Variants in SGMS1 observed in about 807,000 individuals in gnomAD.
The protein encoded by SGMS1 is phosphatidylcholine:ceramide cholinephosphotransferase 1.
SGMS1 carries 13 observed loss-of-function variants against 46.2 expected under a neutral mutation model. That is an observed-to-expected ratio of 0.28 (90% CI 0.18 to 0.45). The LOEUF is 0.45. Among genes scored for constraint, SGMS1 ranks in the 20% least tolerant of loss-of-function variants. SGMS1 has a pLI of 1.00. For synonymous variants in SGMS1, 203 were observed against 187.8 expected, an observed-to-expected ratio of 1.08 and a Z score of -0.66; for missense variants, 324 against 519.9, an observed-to-expected ratio of 0.62 and a Z score of 3.66.
At chr10:50,529,624 C>T (rs1837934962) in intron 2 of SGMS1, among the ~76,000 whole-genome samples, 1 of 152,136 alleles carries the variant, frequency 6.6e-6, no homozygotes, top group Admixed American at 6.6e-5. Context: ...TCCCTATTCC[C>T]TTTGACTATT....
At chr10:50,499,401 G>A (rs1389312260) in intron 3 of SGMS1, among the ~76,000 whole-genome samples, 2 of 152,126 alleles carry the variant, frequency 1.3e-5, no homozygotes, top group African/African-American at 4.8e-5. Context: ...ATGATAAGGA[G>A]GAGGAAAGTC....
At chr10:50,612,895 G>A (rs1838763818) in intron 1 of SGMS1, among the ~76,000 whole-genome samples, 1 of 152,212 alleles carries the variant, frequency 6.6e-6, no homozygotes, top group Non-Finnish European at 1.5e-5. Context: ...TTTTAGTAGA[G>A]ATGGGGTTTC....
intron 6 of SGMS1, among the ~76,000 whole-genome samples, chr10:50,349,951 G>C (rs995078643): frequency 1.3e-5 from 2 of 152,238 alleles, no homozygotes; most frequent in Non-Finnish European, 2.9e-5. Context: ...ATGTGGAAGC[G>C]ACTTTGGAAC....
At chr10:50,438,913 G>C (rs766184182) in intron 5 of SGMS1, among the ~76,000 whole-genome samples, 4 of 152,178 alleles carry the variant, frequency 2.6e-5, no homozygotes, top group Admixed American at 2.0e-4. Context: ...TGGCGATCAG[G>C]TTCCCTGGCT....
At chr10:50,455,545 T>C (rs191473199) in intron 5 of SGMS1, among the ~76,000 whole-genome samples, 16 of 152,326 alleles carry the variant, frequency 1.1e-4, no homozygotes, top group Middle Eastern at 3.4e-3. Context: ...TAGTTCCTCA[T>C]TCTTTGCTGG....
intron 3 of SGMS1, among the ~76,000 whole-genome samples, chr10:50,499,388 A>C (rs1837642733): frequency 6.6e-6 from 1 of 152,188 alleles, no homozygotes; most frequent in Non-Finnish European, 1.5e-5. Context: ...AGAAAGACAG[A>C]TGATGATAAG....
intron 2 of SGMS1, among the ~76,000 whole-genome samples, chr10:50,559,810 T>C (rs1564431987): frequency 6.6e-6 from 1 of 152,152 alleles, no homozygotes; most frequent in South Asian, 2.1e-4. Flanking sequence ...TAGGAGTTTT[T>C]AAAAACAAAA....
intron 1 of SGMS1, among the ~76,000 whole-genome samples, chr10:50,611,529 C>T (rs1838749269): frequency 6.6e-6 from 1 of 152,184 alleles, no homozygotes; most frequent in Non-Finnish European, 1.5e-5. Flanking sequence ...TTACAAATGG[C>T]TCAGAAATTG....
chr10:50,321,143 G>C lies in SGMS1; in HGVS notation c.741+6062C>G, dbSNP rs562189292. Among the ~76,000 whole-genome samples, 5 of 152,296 alleles carry C rather than the reference G, an allele frequency of 3.3e-5. No individual in the cohort carries two copies. The South Asian group carries it at 1.0e-3, about 32-fold the overall frequency. Reference sequence around the variant, plus strand: ...CTGGGAAAGTGGTTTCTTCCTTTTAGTAAGAAAGCCTTTAGAAAGGCTAGA... The same window carrying C: ...CTGGGAAAGTGGTTTCTTCCTTTTACTAAGAAAGCCTTTAGAAAGGCTAGA... On this transcript the variant is annotated intron_variant, in intron 8 of 10. Coordinates refer to ENST00000361781, the MANE Select transcript of SGMS1 (RefSeq NM_147156.4).
intron 6 of SGMS1, among the ~76,000 whole-genome samples, chr10:50,405,482 G>A (rs1039848284): frequency 1.3e-5 from 2 of 152,146 alleles, no homozygotes; most frequent in Non-Finnish European, 2.9e-5. Flanking sequence ...ATTATGCATT[G>A]CATGGTGTAT....
At position 50,320,915 on chromosome 10, in the gene SGMS1, G is replaced by C. The variant is rs186609748; in HGVS notation, c.741+6290C>G. The stretch of plus-strand genomic sequence containing the variant: ...TGCAAATCTACTACAGGGAGTCAGA[G>C]GGGGATCTGGGGATTACATTTCTGT... On this transcript the variant is annotated intron_variant, in intron 8 of 10. Transcript: ENST00000361781. 1.2e-4 allele frequency among the ~76,000 whole-genome samples: 18 copies of C among 152,322 alleles called. No homozygotes were observed. In the East Asian group the frequency reaches 3.3e-3, roughly 28 times the overall value.
chr10:50,407,768 C>G (rs1399670142), intron 6 of SGMS1, among the ~76,000 whole-genome samples: 1 of 151,852 alleles, frequency 6.6e-6, no homozygotes, highest in African/African-American at 2.4e-5. Context: ...AAGTTTAAAC[C>G]TGAGGAAAAC....
At chr10:50,326,304 TA>T (rs1847531865) in intron 8 of SGMS1, among the ~76,000 whole-genome samples, 1 of 152,262 alleles carries the variant, frequency 6.6e-6, no homozygotes, top group Admixed American at 6.5e-5. Flanking sequence ...ATGATCAAAT[TA>T]AAAATCCAGA....
intron 6 of SGMS1, among the ~76,000 whole-genome samples, chr10:50,400,899 T>C (rs773732254): frequency 6.6e-6 from 1 of 151,900 alleles, no homozygotes; most frequent in Non-Finnish European, 1.5e-5. Context: ...GGCCGGAGGG[T>C]TCCTGGGCAG....
intron 2 of SGMS1, among the ~76,000 whole-genome samples, chr10:50,547,287 T>C (rs756636885): frequency 6.6e-6 from 1 of 152,070 alleles, no homozygotes; most frequent in Non-Finnish European, 1.5e-5. Context: ...TCAGACCATA[T>C]AGACCACTAG....
chr10:50,566,389 C>T (rs1452345591), intron 2 of SGMS1, among the ~76,000 whole-genome samples: 1 of 152,154 alleles, frequency 6.6e-6, no homozygotes, highest in Non-Finnish European at 1.5e-5. Flanking sequence ...TTGCCTGACA[C>T]AGCAGAGGAC....
Position 50,308,071 on chromosome 10 carries a change from C to A in SGMS1, c.973G>T (p.Ala325Ser). ...ACGTCCACAGTGTAGTGGTCATGCG[C>A]TAAGAGAATACAGAAGATTCCAACT... ...SVVGIFCILL[A>S]HDHYTVDVVV... Residue 325 changes from alanine (A) to serine (S), a missense_variant, in exon 10 of 11, where the codon GCG becomes TCG. This residue lies in a region of SGMS1 where 174 missense variants were observed against 350.1 expected (regional missense o/e 0.50). Transcript: ENST00000361781. 3 of 1,614,006 alleles carry A rather than the reference C, an allele frequency of 1.9e-6. No homozygotes were observed. The highest frequency in any genetic ancestry group is 2.5e-6 in the Non-Finnish European group (3 of 1,179,940).
intron 3 of SGMS1, among the ~76,000 whole-genome samples, chr10:50,477,691 T>C (rs530116521): frequency 4.6e-5 from 7 of 152,300 alleles, no homozygotes; most frequent in Admixed American, 2.6e-4. Flanking sequence ...TGGTTTCTAA[T>C]GGTTTAGCAC....
intron 6 of SGMS1, among the ~76,000 whole-genome samples, chr10:50,414,609 TAAG>T (rs1849144222): frequency 6.6e-6 from 1 of 152,224 alleles, no homozygotes; most frequent in Non-Finnish European, 1.5e-5. Context: ...AACAGCCCTC[TAAG>T]GTAGGTATTA....
Sources: gnomAD v4.1 joint callset for allele counts (sites outside exome capture counted in the v4.1 genomes callset) on GRCh38, gnomAD v4.1.1 for gene constraint, gnomAD v4.1.1 regional missense constraint, MANE v1.5 for transcripts, NCBI Gene and HGNC (gene_info 2026-07-23, HGNC 2026-07-21) for gene names.